Variants in LPCAT2 observed in about 807,000 individuals in gnomAD.
LPCAT2 encodes lysophosphatidylcholine acyltransferase 2.
In LPCAT2, 58 loss-of-function variants were observed where a neutral mutation model predicts 64.7. The ratio of observed to expected loss-of-function variants is 0.90; its 90% CI spans 0.73 to 1.12. The LOEUF is 1.12. Ranked by LOEUF, LPCAT2 falls within the 50% of genes most tolerant of loss-of-function variation. LPCAT2 has a pLI of 0.00. For synonymous variants in LPCAT2, 252 were observed against 245.3 expected (o/e 1.03, Z -0.26); for missense variants, 579 against 669.8 (o/e 0.86, Z 1.50).
In LPCAT2 at chr16:55,566,963, T is replaced by C. The variant is rs530829455; in HGVS notation, c.1216-7668T>C. ...CTCCCACTCAGCAGCATTTCACCAG[T>C]GTGGAGGCCTCAGAAAGTGAGGAAG... On this transcript the variant is annotated intron_variant, in intron 11 of 13. Transcript: ENST00000262134. 7.0e-5 allele frequency: 113 copies of C among 1,613,766 alleles called. 3 individuals carry two copies. In the South Asian group the frequency reaches 1.1e-3, roughly 15 times the overall value.
rs1963906685 is a variant in LPCAT2 at position 55,583,174 on chromosome 16, ATG to A, written c.*80_*81del. The A allele has an allele frequency of 1.8e-6, 2 of 1,091,034 alleles. No individual in the cohort carries two copies. Among genetic ancestry groups the A allele is most frequent in the Non-Finnish European group, 2.6e-6 (2 of 763,190 alleles). 67.6% of individuals were successfully genotyped at this position (1,091,034 alleles called of 1,614,324 possible). On this transcript the variant is annotated 3_prime_UTR_variant, in exon 14 of 14. Coordinates refer to ENST00000262134, the MANE Select transcript of LPCAT2 (RefSeq NM_017839.5). ...AAGGCACTTATTGATAATACTTTTAATGTGTTGGTAATGATGTTTAAAATTGA... is the reference window on the plus strand; with the variant it reads ...AAGGCACTTATTGATAATACTTTTAATGTTGGTAATGATGTTTAAAATTGA...
At position 55,511,646 on chromosome 16, in the gene LPCAT2, T is replaced by C. The variant is rs187665900; in HGVS notation, c.171+2294T>C. Among the ~76,000 whole-genome samples the C allele has an allele frequency of 4.9e-3, 746 of 152,348 alleles. 5 individuals carry two copies. The highest frequency in any genetic ancestry group is 0.016 in the African/African-American group (681 of 41,574). On this transcript the variant is annotated intron_variant, in intron 1 of 13. Coordinates refer to ENST00000262134, the MANE Select transcript of LPCAT2 (RefSeq NM_017839.5). Reference sequence around the variant, plus strand: ...GATGACATATTACCAAATGGAAATATGATGAATTCTCTTAATTTGTCAATG... The same window carrying C: ...GATGACATATTACCAAATGGAAATACGATGAATTCTCTTAATTTGTCAATG...
intron 1 of LPCAT2, among the ~76,000 whole-genome samples, chr16:55,522,417 T>G (rs1405455056): frequency 6.6e-6 from 1 of 151,754 alleles, no homozygotes; most frequent in Non-Finnish European, 1.5e-5. Context: ...AATTGATCTG[T>G]AGATTCATTT....
Position 55,534,436 on chromosome 16 carries a change from A to G in LPCAT2, c.763-7A>G, listed in dbSNP as rs1963297727. 5 of 1,521,788 alleles carry G rather than the reference A, an allele frequency of 3.3e-6. No individual in the cohort carries two copies. Among genetic ancestry groups the G allele is most frequent in the Non-Finnish European group, 4.5e-6 (5 of 1,108,918 alleles). The allele number at this position is 1,521,788 out of a possible 1,614,324, so 94.3% of individuals were successfully genotyped here. On this transcript the variant is annotated splice_polypyrimidine_tract_variant and splice_region_variant and intron_variant, in intron 6 of 13. Transcript: ENST00000262134. ...GACCAACAGCTAAAATAATTTTGTT[A>G]TTATAGGATACTGTGACCTGGACAT...
intron 11 of LPCAT2, among the ~76,000 whole-genome samples, chr16:55,564,445 T>G (rs1204620721): frequency 6.6e-6 from 1 of 151,932 alleles, no homozygotes; most frequent in Non-Finnish European, 1.5e-5. Context: ...ATTTCAAACC[T>G]TACTTCAAAC....
rs1009746899 is a variant in LPCAT2 at position 55,519,912 on chromosome 16, G to C, written c.172-5596G>C. Among the ~76,000 whole-genome samples the C allele has an allele frequency of 1.6e-4, 25 of 151,922 alleles. 1 individual carries two copies. The highest frequency in any genetic ancestry group is 6.0e-4 in the African/African-American group (25 of 41,364). On this transcript the variant is annotated intron_variant, in intron 1 of 13. Transcript: ENST00000262134. ...AAGTACAAGAAGGTATAGCAAAGGA[G>C]CCATAAAAGAAATTTAAATGGATCA... is the stretch of plus-strand genomic sequence containing the variant.
chr16:55,518,823 G>T (rs1410658989), intron 1 of LPCAT2, among the ~76,000 whole-genome samples: 1 of 152,092 alleles, frequency 6.6e-6, no homozygotes, highest in South Asian at 2.1e-4. Context: ...ATCATAAAAT[G>T]CTTAGAAGAG....
intron 2 of LPCAT2, among the ~76,000 whole-genome samples, chr16:55,526,723 T>C (rs747726652): frequency 2.6e-5 from 4 of 152,212 alleles, no homozygotes; most frequent in Non-Finnish European, 5.9e-5. Flanking sequence ...TCAGATTACC[T>C]CTTTGATTTT....
chr16:55,530,885 C>T (rs4402561), intron 4 of LPCAT2, among the ~76,000 whole-genome samples: 70,874 of 151,804 alleles, frequency 0.47, 17,442 homozygotes, highest in Non-Finnish European at 0.54. Context: ...GAATCCTTTT[C>T]TAGAATTTTC....
intron 11 of LPCAT2, among the ~76,000 whole-genome samples, chr16:55,562,496 A>G (rs2142408944): frequency 6.6e-6 from 1 of 152,052 alleles, no homozygotes; most frequent in African/African-American, 2.4e-5. Flanking sequence ...TCTAAAATAC[A>G]TTTGTATCTT....
At chr16:55,553,863 G>A (rs538729158) in intron 11 of LPCAT2, among the ~76,000 whole-genome samples, 4 of 152,234 alleles carry the variant, frequency 2.6e-5, no homozygotes, top group Admixed American at 2.0e-4. Context: ...CTTGATCTAT[G>A]GGTGGCAGAA....
At chr16:55,520,313 G>C (rs1595306) in intron 1 of LPCAT2, among the ~76,000 whole-genome samples, 14 of 151,928 alleles carry the variant, frequency 9.2e-5, no homozygotes, top group African/African-American at 3.4e-4. Context: ...TTCTTTAAAC[G>C]GTCAGTGGGA....
intron 11 of LPCAT2, chr16:55,566,529 A>G: frequency 2.0e-6 from 1 of 511,722 alleles, no homozygotes. Flanking sequence ...AGTATCTGGA[A>G]GAGTGAAAAC....
At chr16:55,512,279 A>G (rs1962943510) in intron 1 of LPCAT2, among the ~76,000 whole-genome samples, 1 of 152,242 alleles carries the variant, frequency 6.6e-6, no homozygotes, top group South Asian at 2.1e-4. Context: ...GGAATGGTGG[A>G]GTAGCTCAAT....
chr16:55,516,892 A>G (rs1963020269), intron 1 of LPCAT2, among the ~76,000 whole-genome samples: 1 of 152,214 alleles, frequency 6.6e-6, no homozygotes, highest in Non-Finnish European at 1.5e-5. Flanking sequence ...ACAGTAAAAC[A>G]ATTCTCAATA....
At chr16:55,577,060 T>C (rs1430457382) in intron 12 of LPCAT2, among the ~76,000 whole-genome samples, 1 of 152,160 alleles carries the variant, frequency 6.6e-6, no homozygotes, top group African/African-American at 2.4e-5. Flanking sequence ...GACTGAGTCC[T>C]GGCAATTACT....
chr16:55,545,690 C>A, intron 8 of LPCAT2, 45 bp from the exon 9 acceptor site: 1 of 1,242,246 alleles, frequency 8.0e-7, no homozygotes, highest in South Asian at 1.3e-5. Context: ...CATTTAATGT[C>A]TTAGGCTTAA....
Position 55,579,247 on chromosome 16 carries a change from G to GAGTA in LPCAT2, c.1450+4_1450+7dup. 3.7e-6 allele frequency: 6 copies of GAGTA among 1,611,644 alleles called. No individual in the cohort carries two copies. Among genetic ancestry groups the GAGTA allele is most frequent in the Non-Finnish European group, 5.1e-6 (6 of 1,178,910 alleles). ...CCAAGGGGACTCAATTTCCTATGGT[G>GAGTA]AGTAGGCAATCTGGCCTCCTGACTT... is the stretch of plus-strand genomic sequence containing the variant. On this transcript the variant is annotated splice_donor_region_variant and intron_variant, in intron 13 of 13. Coordinates refer to ENST00000262134, the MANE Select transcript of LPCAT2 (RefSeq NM_017839.5).
intron 9 of LPCAT2, among the ~76,000 whole-genome samples, chr16:55,546,269 A>G (rs1963452522): frequency 6.6e-6 from 1 of 152,230 alleles, no homozygotes; most frequent in Non-Finnish European, 1.5e-5. Flanking sequence ...GCTATAAAAT[A>G]GGATTTAGAA....
Sources: allele counts gnomAD v4.1 joint callset (sites outside exome capture counted in the v4.1 genomes callset), GRCh38; gene constraint gnomAD v4.1.1; transcripts MANE v1.5; gene names NCBI Gene and HGNC (gene_info 2026-07-23, HGNC 2026-07-21).